ORC4: variants seen among roughly 807,000 people sequenced by gnomAD.
ORC4 encodes the protein origin recognition complex, subunit 4 homolog.
ORC4 carries 55 observed loss-of-function variants against 63.9 expected under a neutral mutation model. The observed-to-expected ratio is 0.86, with a 90% CI of 0.69 to 1.08. The LOEUF (loss-of-function observed/expected upper bound fraction) is 1.08, where lower values mean the gene tolerates loss of function less well. ORC4 is among the 50% of genes least tolerant of loss of function. ORC4 has a pLI of 0.00. For synonymous variants in ORC4, 150 were observed against 168.5 expected, an observed-to-expected ratio of 0.89 and a Z score of 0.85; for missense variants, 511 against 504.4, an observed-to-expected ratio of 1.01 and a Z score of -0.13.
rs770839650 is a variant in ORC4, at chr2:147,938,346, T to A, written c.1006A>T (p.Asn336Tyr). The change falls in exon 12 of 14, where the codon AAT becomes TAT. Residue 336 changes from asparagine (N) to tyrosine (Y), a missense_variant. Physicochemically the swap from Asn to Tyr is moderately radical, Grantham distance 143. Coordinates refer to ENST00000392857, the MANE Select transcript of ORC4 (RefSeq NM_181741.4). Reference sequence around the variant, plus strand: ...AATGGCTCTTCCTCATAGATGTCATTTAAATGTTTCATTGCTATTATAAGA... The same window carrying A: ...AATGGCTCTTCCTCATAGATGTCATATAAATGTTTCATTGCTATTATAAGA... ...ICLIIAMKHL[N>Y]DIYEEEPFNF... 1.2e-6 allele frequency: 2 copies of A among 1,608,578 alleles called. No homozygotes were observed. The highest frequency in any genetic ancestry group is 1.7e-5 in the Admixed American group (1 of 59,934).
intron 1 of ORC4, among the ~76,000 whole-genome samples, chr2:148,019,111 G>A (rs1345763260): frequency 3.3e-5 from 5 of 151,602 alleles, no homozygotes; most frequent in African/African-American, 1.2e-4. Context: ...ACAGACAATT[G>A]GTTACACTAC....
At chr2:147,947,885 T>C (rs187641476) in intron 9 of ORC4, 166 bp downstream of exon 9, 2 of 558,684 alleles carry the variant, frequency 3.6e-6, no homozygotes, top group Non-Finnish European at 6.4e-6. Context: ...ACATTTCAAC[T>C]GTCTAAGAAG....
intron 4 of ORC4, among the ~76,000 whole-genome samples, chr2:147,962,163 G>T (rs966542856): frequency 3.3e-5 from 5 of 152,106 alleles, no homozygotes; most frequent in African/African-American, 1.2e-4. Flanking sequence ...CCGTAGTCAG[G>T]AGGGACTTCC....
chr2:147,966,855 G>A (rs1689922509), intron 4 of ORC4, among the ~76,000 whole-genome samples: 1 of 152,072 alleles, frequency 6.6e-6, no homozygotes, highest in Admixed American at 6.6e-5. Context: ...GTTCTATGAG[G>A]CCAGCATAAC....
Position 147,948,072 on chromosome 2 carries a change from C to A in ORC4, c.741G>T (p.Glu247Asp). Residue 247 changes from glutamate (E) to aspartate (D), a missense_variant, in exon 9 of 14, where the codon GAG (glutamate) becomes GAT (aspartate). Glu to Asp is a conservative substitution (Grantham distance 45). Coordinates refer to ENST00000392857, the MANE Select transcript of ORC4 (RefSeq NM_181741.4). ...ATACCTGAACATTTTCATTCCACTT[C>A]TCAGCAAAAACCTTGTCTGGAAACT... ...PAEFPDKVFA[E>D]KWNENVQYLS... 1 of 1,611,846 alleles carries A rather than the reference C, an allele frequency of 6.2e-7. No individual in the cohort carries two copies. Among genetic ancestry groups the A allele is most frequent in the Non-Finnish European group, 8.5e-7 (1 of 1,178,250 alleles).
intron 1 of ORC4, among the ~76,000 whole-genome samples, chr2:147,996,234 G>A (rs1283887850): frequency 1.3e-5 from 2 of 152,228 alleles, no homozygotes; most frequent in South Asian, 4.2e-4. Context: ...AACCCGGGAG[G>A]TGGAAGTTGT....
intron 4 of ORC4, among the ~76,000 whole-genome samples, chr2:147,967,897 A>G (rs747551105): frequency 4.6e-5 from 7 of 152,144 alleles, no homozygotes; most frequent in Non-Finnish European, 5.9e-5. Context: ...TACTTCAAAT[A>G]TACTACAAAG....
upstream of ORC4, chr2:148,021,284 GGATT>G (rs1460217304): frequency 8.2e-6 from 3 of 364,628 alleles, no homozygotes; most frequent in African/African-American, 6.4e-5. Flanking sequence ...CCTGAGAGGG[GGATT>G]GAGCCTGAGA....
intron 8 of ORC4, among the ~76,000 whole-genome samples, chr2:147,949,427 A>G (rs1298230008): frequency 6.6e-6 from 1 of 152,108 alleles, no homozygotes; most frequent in African/African-American, 2.4e-5. Flanking sequence ...AGGGCTGGGG[A>G]GGGAACAGGG....
intron 1 of ORC4, among the ~76,000 whole-genome samples, chr2:147,977,802 T>C (rs1690655021): frequency 6.6e-6 from 1 of 152,214 alleles, no homozygotes; most frequent in Non-Finnish European, 1.5e-5. Flanking sequence ...ATGGTTTGGC[T>C]TTCTCTGGGA....
chr2:147,949,643 T>C (rs1006077104), intron 8 of ORC4, among the ~76,000 whole-genome samples: 1 of 152,150 alleles, frequency 6.6e-6, no homozygotes. Flanking sequence ...ACAATTATAT[T>C]AGGGAAATAT....
chr2:147,955,354 T>C lies in ORC4; in HGVS notation c.429A>G (p.Leu143=). 6.3e-7 allele frequency: 1 copy of C among 1,599,924 alleles called. No homozygotes were observed. Among genetic ancestry groups the C allele is most frequent in the Non-Finnish European group, 8.6e-7 (1 of 1,168,700 alleles). Residue 143 remains leucine (L), a synonymous_variant, in exon 7 of 14, where the codon TTA becomes TTG. Coordinates refer to ENST00000392857, the MANE Select transcript of ORC4 (RefSeq NM_181741.4). ...AENLSFLLEA[L]KKGDRTSSCP... ...GAATATGTTAATATTTACCTTTTTTTAAAGCTTCCAGAAGAAATGAAAGGT... is the reference window on the plus strand; with the variant it reads ...GAATATGTTAATATTTACCTTTTTTCAAAGCTTCCAGAAGAAATGAAAGGT...
At chr2:147,972,666 A>G (rs1690284849) in intron 4 of ORC4, 73 bp downstream of exon 4, 2 of 720,158 alleles carry the variant, frequency 2.8e-6, no homozygotes, top group Admixed American at 2.7e-5. Context: ...AGATTTATAT[A>G]TGAATTTATT....
chr2:147,930,906 G>A lies in ORC4; in HGVS notation c.*4604C>T, dbSNP rs1687689051. The A allele has an allele frequency of 1.3e-5, 2 of 148,398 alleles. No homozygotes were observed. Among genetic ancestry groups the A allele is most frequent in the Non-Finnish European group, 3.0e-5 (2 of 67,318 alleles). 9.2% of individuals were successfully genotyped at this position (148,398 alleles called of 1,614,324 possible). A position where few individuals can be genotyped will look rare whatever the true frequency, so the allele number is the denominator to read the frequency against. On this transcript the variant is annotated 3_prime_UTR_variant, in exon 14 of 14. Transcript: ENST00000392857. Reference sequence around the variant, plus strand: ...GTTTTAGGGTACATGTGCACATTGTGCAGGTTAGTTACATAGGTATACATG... The same window carrying A: ...GTTTTAGGGTACATGTGCACATTGTACAGGTTAGTTACATAGGTATACATG...
intron 10 of ORC4, among the ~76,000 whole-genome samples, chr2:147,941,808 C>T (rs1688381258): frequency 6.6e-6 from 1 of 151,648 alleles, no homozygotes; most frequent in African/African-American, 2.4e-5. Context: ...ACACACACAC[C>T]CCTCCTCTAA....
chr2:147,956,270 C>T (rs1689245539), intron 6 of ORC4, among the ~76,000 whole-genome samples: 1 of 152,012 alleles, frequency 6.6e-6, no homozygotes, highest in Non-Finnish European at 1.5e-5. Flanking sequence ...TGTTGTTATG[C>T]TATTTCCAAG....
chr2:147,958,991 C>A, intron 4 of ORC4, 125 bp from the exon 5 acceptor site: 1 of 563,428 alleles, frequency 1.8e-6, no homozygotes, highest in Non-Finnish European at 3.2e-6. Flanking sequence ...AGTAAGTTTT[C>A]AAATTCTTTA....
chr2:148,001,326 C>T (rs1300575643), intron 1 of ORC4, among the ~76,000 whole-genome samples: 1 of 152,112 alleles, frequency 6.6e-6, no homozygotes. Context: ...AATATATTTT[C>T]TAATTTCATT....
intron 4 of ORC4, 60 bp downstream of exon 4, chr2:147,972,679 T>C (rs897118201): frequency 1.2e-6 from 1 of 847,762 alleles, no homozygotes; most frequent in Non-Finnish European, 1.9e-6. Context: ...AATTTATTTA[T>C]TCTTATATAA....
Sources: gnomAD v4.1 joint callset for allele counts (sites outside exome capture counted in the v4.1 genomes callset) on GRCh38, gnomAD v4.1.1 for gene constraint, MANE v1.5 for transcripts, NCBI Gene and HGNC (gene_info 2026-07-23, HGNC 2026-07-21) for gene names.